Variants in MCUB observed in about 807,000 individuals in gnomAD.
The protein encoded by MCUB is mitochondrial calcium uniporter dominant negative subunit beta, also known as calcium uniporter regulatory subunit MCUb, mitochondrial.
MCUB carries 46 observed loss-of-function variants against 41.4 expected under a neutral mutation model. That is an observed-to-expected ratio of 1.11 (90% CI 0.88 to 1.42). The LOEUF is 1.42. Among genes scored for constraint, MCUB ranks in the 40% most tolerant of loss-of-function variants. MCUB has a pLI of 0.00. For missense variants in MCUB, 403 were observed against 404.9 expected, an observed-to-expected ratio of 1.00 and a Z score of 0.04; for synonymous variants, 148 against 148.2, an observed-to-expected ratio of 1.00 and a Z score of 0.01.
chr4:109,677,397 G>A (rs1355446748), intron 4 of MCUB, among the ~76,000 whole-genome samples: 2 of 152,194 alleles, frequency 1.3e-5, no homozygotes, highest in Non-Finnish European at 2.9e-5. Context: ...GGACTTTTGA[G>A]TAGATGCTTG....
chr4:109,678,247 CTCTT>C (rs1405028936), intron 4 of MCUB, among the ~76,000 whole-genome samples: 1 of 152,094 alleles, frequency 6.6e-6, no homozygotes, highest in African/African-American at 2.4e-5. Flanking sequence ...AATCTGATCT[CTCTT>C]TCTTTTCCCC....
chr4:109,605,829 C>G (rs79251656), intron 1 of MCUB, among the ~76,000 whole-genome samples: 1,899 of 152,114 alleles, frequency 0.012, 43 homozygotes, highest in African/African-American at 0.043. Context: ...CCATTTTGTC[C>G]CATATAACTA....
At chr4:109,579,883 TTTA>T (rs1253948026) in intron 1 of MCUB, among the ~76,000 whole-genome samples, 1 of 152,140 alleles carries the variant, frequency 6.6e-6, no homozygotes, top group Non-Finnish European at 1.5e-5. Context: ...CATAAAACTT[TTTA>T]TTATTTTTTT....
chr4:109,605,832 T>TA (rs1226731772), intron 1 of MCUB, among the ~76,000 whole-genome samples: 1 of 152,220 alleles, frequency 6.6e-6, no homozygotes, highest in Non-Finnish European at 1.5e-5. Flanking sequence ...TTTTGTCCCA[T>TA]ATAACTACTC....
At chr4:109,605,305 A>G (rs1579061904) in intron 1 of MCUB, among the ~76,000 whole-genome samples, 1 of 151,750 alleles carries the variant, frequency 6.6e-6, no homozygotes, top group South Asian at 2.1e-4. Flanking sequence ...ATTCAGGAGC[A>G]TATTGTTTAT....
chr4:109,647,588 A>G (rs1002333823), intron 1 of MCUB, among the ~76,000 whole-genome samples: 3 of 152,212 alleles, frequency 2.0e-5, no homozygotes, highest in African/African-American at 7.2e-5. Flanking sequence ...TCATCTACTA[A>G]GAAGAACATA....
intron 1 of MCUB, among the ~76,000 whole-genome samples, chr4:109,591,853 CA>C (rs1727444130): frequency 6.6e-6 from 1 of 151,816 alleles, no homozygotes; most frequent in South Asian, 2.1e-4. Context: ...CATGCGCCAC[CA>C]CACCTGGCTA....
At chr4:109,662,690 A>G (rs1729254017) in intron 3 of MCUB, among the ~76,000 whole-genome samples, 1 of 152,226 alleles carries the variant, frequency 6.6e-6, no homozygotes, top group Non-Finnish European at 1.5e-5. Context: ...ATAATATAGT[A>G]TTTCAACTGA....
chr4:109,621,064 A>G (rs1349591298), intron 1 of MCUB, among the ~76,000 whole-genome samples: 4 of 151,874 alleles, frequency 2.6e-5, no homozygotes, highest in African/African-American at 9.7e-5. Flanking sequence ...ACGCCCGGCT[A>G]ATTTTTGTAT....
chr4:109,651,379 C>T (rs1194983984), intron 1 of MCUB, among the ~76,000 whole-genome samples: 1 of 152,116 alleles, frequency 6.6e-6, no homozygotes, highest in Non-Finnish European at 1.5e-5. Context: ...TTATCCATGC[C>T]CAGCCCTAGA....
chr4:109,583,391 T>G (rs1265251291), intron 1 of MCUB, among the ~76,000 whole-genome samples: 1 of 152,216 alleles, frequency 6.6e-6, no homozygotes, highest in Non-Finnish European at 1.5e-5. Context: ...GGAATGCTGG[T>G]GATTTTTGCA....
intron 7 of MCUB, among the ~76,000 whole-genome samples, chr4:109,686,008 C>T (rs967426283): frequency 6.6e-5 from 10 of 152,156 alleles, no homozygotes; most frequent in African/African-American, 2.4e-4. Context: ...TAAAAATATC[C>T]TCCATTGCTC....
intron 1 of MCUB, among the ~76,000 whole-genome samples, chr4:109,637,474 A>G (rs1728620739): frequency 1.3e-5 from 2 of 152,246 alleles, no homozygotes; most frequent in East Asian, 1.9e-4. Flanking sequence ...ACAATTTGCA[A>G]TTGCAAAACT....
chr4:109,670,676 A>AT (rs1214554191), intron 4 of MCUB, among the ~76,000 whole-genome samples: 2 of 151,658 alleles, frequency 1.3e-5, no homozygotes, highest in African/African-American at 4.9e-5. Context: ...AGATCATGTC[A>AT]TTGCACTCCA....
In MCUB at chr4:109,673,841, C is replaced by G. The variant is rs1221580224; in HGVS notation, c.452-8741C>G. 4 of 751,960 alleles carry G rather than the reference C, an allele frequency of 5.3e-6. No homozygotes were observed. The East Asian group carries it at 7.3e-5, about 14-fold the overall frequency. 46.6% of individuals were successfully genotyped at this position (751,960 alleles called of 1,614,324 possible). On this transcript the variant is annotated intron_variant, in intron 4 of 7. Coordinates refer to ENST00000394650, the MANE Select transcript of MCUB (RefSeq NM_017918.5). The stretch of plus-strand genomic sequence containing the variant: ...TCTAGGGAGATTCTTCAAGCAATCA[C>G]TATGTCAGCAGACACAGGTGTTTCT...
At chr4:109,565,940 C>T (rs1054454358) in intron 1 of MCUB, among the ~76,000 whole-genome samples, 3 of 150,942 alleles carry the variant, frequency 2.0e-5, no homozygotes, top group Admixed American at 2.0e-4. Context: ...TGGGTTCAAG[C>T]GATCCTCCCA....
chr4:109,659,119 GTTAA>G (rs774167265), intron 2 of MCUB, 33 bp downstream of exon 2: 5 of 1,156,218 alleles, frequency 4.3e-6, no homozygotes, highest in Non-Finnish European at 5.1e-6. Context: ...TGATTCATAT[GTTAA>G]TTGTTTCCCT....
intron 1 of MCUB, among the ~76,000 whole-genome samples, chr4:109,598,279 T>A (rs948581306): frequency 1.9e-4 from 29 of 151,876 alleles, no homozygotes; most frequent in Admixed American, 5.2e-4. Flanking sequence ...GCCGAGATCA[T>A]GCCACTGCAC....
intron 1 of MCUB, among the ~76,000 whole-genome samples, chr4:109,585,067 A>G (rs1727274034): frequency 6.6e-6 from 1 of 152,104 alleles, no homozygotes; most frequent in Non-Finnish European, 1.5e-5. Context: ...TGCCACTACT[A>G]TTGTATGGGA....
Sources: allele counts gnomAD v4.1 joint callset (sites outside exome capture counted in the v4.1 genomes callset), GRCh38; gene constraint gnomAD v4.1.1; transcripts MANE v1.5; gene names NCBI Gene and HGNC (gene_info 2026-07-23, HGNC 2026-07-21).